RARB: variants seen among roughly 807,000 people sequenced by gnomAD.
RARB encodes HBV-activated protein.
In RARB, 17 loss-of-function variants were observed where a neutral mutation model predicts 51.9. The ratio of observed to expected loss-of-function variants is 0.33; its 90% CI spans 0.22 to 0.49. The LOEUF (loss-of-function observed/expected upper bound fraction) is 0.49. Among genes scored for constraint, RARB ranks in the 20% least tolerant of loss-of-function variants. The probability of loss-of-function intolerance (pLI) is 0.99; values close to 1 mark genes in which losing one functional copy is unlikely to be tolerated. For missense variants in RARB, 369 were observed against 550.8 expected, an observed-to-expected ratio of 0.67 and a Z score of 3.30; for synonymous variants, 215 against 195.4, an observed-to-expected ratio of 1.10 and a Z score of -0.84.
At chr3:25,459,201 C>G (rs1695050908) in intron 1 of RARB, among the ~76,000 whole-genome samples, 1 of 152,162 alleles carries the variant, frequency 6.6e-6, no homozygotes, top group African/African-American at 2.4e-5. Flanking sequence ...GAGAAATCAT[C>G]TCTGGGAAGG....
At chr3:24,939,426 G>C (rs576790279) in intron 2 of RARB, among the ~76,000 whole-genome samples, 106 of 152,274 alleles carry the variant, frequency 7.0e-4, no homozygotes, top group African/African-American at 1.1e-3. Context: ...GATAAATGCA[G>C]GCTGCATTAT....
intron 2 of RARB, among the ~76,000 whole-genome samples, chr3:24,900,376 T>C (rs1703576798): frequency 6.6e-6 from 1 of 152,246 alleles, no homozygotes; most frequent in Non-Finnish European, 1.5e-5. Context: ...TTCATCTCTT[T>C]GAAATATGAC....
intron 2 of RARB, among the ~76,000 whole-genome samples, chr3:24,980,822 G>A (rs767418518): frequency 8.5e-5 from 13 of 152,296 alleles, no homozygotes; most frequent in Non-Finnish European, 1.3e-4. Context: ...GAGGAGTTGT[G>A]TTCCTTTGGA....
chr3:25,340,076 C>A (rs1406067581), intron 5 of RARB, among the ~76,000 whole-genome samples: 1 of 152,024 alleles, frequency 6.6e-6, no homozygotes, highest in East Asian at 1.9e-4. Flanking sequence ...GCATGTAAAG[C>A]GAAGGAGAAC....
intron 4 of RARB, among the ~76,000 whole-genome samples, chr3:25,151,201 G>A (rs1700281431): frequency 6.6e-6 from 1 of 152,236 alleles, no homozygotes; most frequent in Admixed American, 6.5e-5. Flanking sequence ...TGCATTTGGA[G>A]GGGGAAAGAT....
chr3:25,145,215 C>A (rs1700167634), intron 4 of RARB, among the ~76,000 whole-genome samples: 1 of 152,194 alleles, frequency 6.6e-6, no homozygotes, highest in African/African-American at 2.4e-5. Flanking sequence ...GTTCCTCTGT[C>A]TTTAATGGTT....
intron 3 of RARB, among the ~76,000 whole-genome samples, chr3:25,501,925 A>T (rs1697335000): frequency 6.6e-6 from 1 of 152,228 alleles, no homozygotes; most frequent in South Asian, 2.1e-4. Context: ...ATATCTGATG[A>T]TGGGGATTTG....
chr3:25,278,755 C>T (rs1414102067), intron 5 of RARB, among the ~76,000 whole-genome samples: 2 of 152,112 alleles, frequency 1.3e-5, no homozygotes, highest in Non-Finnish European at 2.9e-5. Context: ...AGAATTTGGC[C>T]TTGTGAGCAT....
intron 2 of RARB, among the ~76,000 whole-genome samples, chr3:24,974,197 T>C (rs764007258): frequency 1.3e-5 from 2 of 152,142 alleles, no homozygotes; most frequent in Non-Finnish European, 2.9e-5. Context: ...CCAGCATCAA[T>C]TGAAATAATC....
intron 1 of RARB, among the ~76,000 whole-genome samples, chr3:24,831,703 G>A (rs1430918886): frequency 6.6e-6 from 1 of 152,010 alleles, no homozygotes; most frequent in Non-Finnish European, 1.5e-5. Context: ...AAACTGTGGG[G>A]TTAGAAACTG....
At chr3:24,855,796 G>T (rs1312782155) in intron 1 of RARB, among the ~76,000 whole-genome samples, 4 of 140,182 alleles carry the variant, frequency 2.9e-5, no homozygotes, top group African/African-American at 8.6e-5. Context: ...CGCCCAGGCT[G>T]GATGGAGTGC....
Position 25,594,569 on chromosome 3 carries a change from A to G in RARB, c.1041A>G (p.Pro347=), listed in dbSNP as rs376845070. ...EPTKVDKLQE[P]LLEALKIYIR... is the part of the protein sequence containing the mutation. ...CAAAAGTAGATAAGCTACAAGAACC[A>G]TTGCTGGAAGCACTAAAAATTTATA... Residue 347 remains proline (P), a synonymous_variant, in exon 7 of 8, where the codon CCA becomes CCG. Coordinates refer to ENST00000330688, the MANE Select transcript of RARB (RefSeq NM_000965.5). 7 of 1,613,668 alleles carry G rather than the reference A, an allele frequency of 4.3e-6. No homozygotes were observed. Among genetic ancestry groups the G allele is most frequent in the Non-Finnish European group, 5.9e-6 (7 of 1,179,864 alleles).
At chr3:25,406,524 C>T (rs539753235) in intron 5 of RARB, among the ~76,000 whole-genome samples, 1 of 152,352 alleles carries the variant, frequency 6.6e-6, no homozygotes, top group Admixed American at 6.5e-5. Flanking sequence ...AACCTCTGTG[C>T]TTGCACACCC....
chr3:24,944,484 G>A (rs762069649), intron 2 of RARB, among the ~76,000 whole-genome samples: 3 of 152,070 alleles, frequency 2.0e-5, no homozygotes, highest in Non-Finnish European at 4.4e-5. Context: ...TTGCAGATGT[G>A]GAAACTAAGT....
intron 3 of RARB, among the ~76,000 whole-genome samples, chr3:25,061,130 A>G (rs1395401562): frequency 2.0e-5 from 3 of 151,936 alleles, no homozygotes; most frequent in Non-Finnish European, 4.4e-5. Flanking sequence ...AACTTTTGCA[A>G]TGAAGGAAAC....
intron 2 of RARB, among the ~76,000 whole-genome samples, chr3:25,004,725 ATAGT>A (rs749496077): frequency 6.6e-6 from 1 of 152,104 alleles, no homozygotes; most frequent in Non-Finnish European, 1.5e-5. Flanking sequence ...CTCATTCCCA[ATAGT>A]TAGCCTTTTC....
intron 3 of RARB, among the ~76,000 whole-genome samples, chr3:25,542,571 TAACTC>T (rs1699430041): frequency 6.6e-6 from 1 of 152,350 alleles, no homozygotes; most frequent in African/African-American, 2.4e-5. Flanking sequence ...TCATTTGTCT[TAACTC>T]ATCTAAGAAT....
rs550826114 is a variant in RARB, at chr3:24,935,534, T to A, written c.-380+76782T>A. Among the ~76,000 whole-genome samples the A allele has an allele frequency of 1.5e-4, 23 of 152,278 alleles. No homozygotes were observed. In the South Asian group the frequency reaches 4.8e-3, roughly 32 times the overall value. On this transcript the variant is annotated intron_variant, in intron 2 of 11. Coordinates refer to the RARB transcript ENST00000383772. ...TTCACAGCAGAAGTGGGCTTAATTT[T>A]AAAAATCTGTTGTGTTAATGTTCTG... is the stretch of plus-strand genomic sequence containing the variant.
chr3:24,847,402 T>C lies in RARB; in HGVS notation c.-458-11272T>C, dbSNP rs539514154. Among the ~76,000 whole-genome samples the C allele has an allele frequency of 6.8e-4, 104 of 152,294 alleles. 2 individuals are homozygous for C. Among genetic ancestry groups the C allele is most frequent in the Non-Finnish European group, 1.1e-3 (75 of 68,016 alleles). ...AAGATTGGGTGTGGAGGAAGATTGT[T>C]CTTCAAAGTCTTAGTTTTCCATATG... On this transcript the variant is annotated intron_variant, in intron 1 of 11. Transcript: ENST00000383772.
Sources: gnomAD v4.1 joint callset for allele counts (sites outside exome capture counted in the v4.1 genomes callset) on GRCh38, gnomAD v4.1.1 for gene constraint, MANE v1.5 for transcripts, NCBI Gene and HGNC (gene_info 2026-07-23, HGNC 2026-07-21) for gene names.